The following ADAMTS19 variants were observed in gnomAD, a reference collection of about 807,000 sequenced individuals.
ADAMTS19 encodes A disintegrin and metalloproteinase with thrombospondin motifs 19.
In ADAMTS19, 93 loss-of-function variants were observed where a neutral mutation model predicts 153.3. That is an observed-to-expected ratio of 0.61 (90% CI 0.51 to 0.72). The LOEUF (loss-of-function observed/expected upper bound fraction) is 0.72. Ranked by LOEUF, ADAMTS19 falls within the 30% of genes least tolerant of loss-of-function variation. The pLI is 0.00. For missense variants in ADAMTS19, 1,482 were observed against 1,552.1 expected (o/e 0.95, Z 0.76); for synonymous variants, 600 against 556.6 (o/e 1.08, Z -1.10).
chr5:129,728,142 G>C (rs539652597), intron 21 of ADAMTS19, among the ~76,000 whole-genome samples: 1 of 152,248 alleles, frequency 6.6e-6, no homozygotes, highest in South Asian at 2.1e-4. Context: ...CCAGCACCAT[G>C]ACAGTTTACA....
intron 10 of ADAMTS19, among the ~76,000 whole-genome samples, chr5:129,632,957 A>C (rs1010176633): frequency 3.3e-5 from 5 of 152,134 alleles, no homozygotes; most frequent in African/African-American, 1.2e-4. Flanking sequence ...AAGAAGTTTT[A>C]GTGATCATTC....
In ADAMTS19 at chr5:129,702,941, A is replaced by AAAAAAATATATATATATATAT; in HGVS notation, c.3160-1297_3160-1296insAAAAATATATATATATATATA. ...TAGTTTGACTTGCCAAAAAAAAAAA[A>AAAAAAATATATATATATATAT]ATATATATATATATATATATATATA... On this transcript the variant is annotated intron_variant, in intron 20 of 22. Coordinates refer to ENST00000274487, the MANE Select transcript of ADAMTS19 (RefSeq NM_133638.6). 1.4e-3 allele frequency among the ~76,000 whole-genome samples: 41 copies of AAAAAAATATATATATATATAT among 29,202 alleles called. 1 individual carries two copies. The highest frequency in any genetic ancestry group is 7.6e-3 in the Admixed American group (16 of 2,094). 19.2% of individuals were successfully genotyped at this position (29,202 alleles called of 152,430 possible).
chr5:129,586,882 T>G (rs1286480796), intron 7 of ADAMTS19, among the ~76,000 whole-genome samples: 1 of 152,170 alleles, frequency 6.6e-6, no homozygotes. Context: ...TTACAATTTT[T>G]TTCGAAATAC....
intron 19 of ADAMTS19, among the ~76,000 whole-genome samples, chr5:129,700,815 A>C (rs145019080): frequency 6.6e-6 from 1 of 152,210 alleles, no homozygotes; most frequent in Non-Finnish European, 1.5e-5. Context: ...CTGAGAGTCT[A>C]ATAAGAACAA....
At chr5:129,460,791 A>G (rs916928641) in intron 1 of ADAMTS19, 6 of 519,592 alleles carry the variant, frequency 1.2e-5, no homozygotes, top group African/African-American at 9.7e-5. Context: ...CTGCTCTAGC[A>G]TACACTTCAG....
intron 7 of ADAMTS19, among the ~76,000 whole-genome samples, chr5:129,569,768 G>A (rs993939454): frequency 3.3e-5 from 5 of 151,940 alleles, no homozygotes; most frequent in African/African-American, 9.7e-5. Context: ...GTTTTGAACT[G>A]AACAAACATG....
intron 8 of ADAMTS19, among the ~76,000 whole-genome samples, chr5:129,608,865 A>G (rs994838488): frequency 1.3e-5 from 2 of 152,020 alleles, no homozygotes; most frequent in Admixed American, 1.3e-4. Flanking sequence ...AAGAAAAAAA[A>G]AAAGAGAAGA....
intron 7 of ADAMTS19, among the ~76,000 whole-genome samples, chr5:129,581,538 T>A (rs1281432733): frequency 1.3e-5 from 2 of 151,784 alleles, no homozygotes; most frequent in Non-Finnish European, 2.9e-5. Flanking sequence ...TTGATAATCT[T>A]TTAAAAAAAA....
chr5:129,592,322 T>C (rs1035655057), intron 7 of ADAMTS19, among the ~76,000 whole-genome samples: 2 of 137,408 alleles, frequency 1.5e-5, no homozygotes, highest in Non-Finnish European at 3.0e-5. Context: ...GAGGTTGCAG[T>C]GAGCCGAGAT....
At chr5:129,605,390 C>T (rs1750843883) in intron 8 of ADAMTS19, among the ~76,000 whole-genome samples, 1 of 152,168 alleles carries the variant, frequency 6.6e-6, no homozygotes, top group African/African-American at 2.4e-5. Flanking sequence ...ACATAAAAGA[C>T]TAACAGTCAC....
intron 21 of ADAMTS19, among the ~76,000 whole-genome samples, chr5:129,716,258 T>C (rs895477358): frequency 7.9e-5 from 12 of 152,032 alleles, no homozygotes; most frequent in African/African-American, 2.9e-4. Flanking sequence ...AGTGCAGTGG[T>C]GCAATCTCAG....
intron 3 of ADAMTS19, among the ~76,000 whole-genome samples, chr5:129,516,240 A>G (rs943943312): frequency 2.1e-5 from 3 of 142,520 alleles, no homozygotes; most frequent in African/African-American, 7.8e-5. Flanking sequence ...ATTAGCCTGT[A>G]GTTTTTTTTT....
chr5:129,555,902 A>G (rs1465355198), intron 7 of ADAMTS19, among the ~76,000 whole-genome samples: 1 of 152,180 alleles, frequency 6.6e-6, no homozygotes, highest in Non-Finnish European at 1.5e-5. Context: ...ACTTAGAAAT[A>G]ATTTTATTTA....
intron 17 of ADAMTS19, 27 bp downstream of exon 17, chr5:129,679,948 G>A: frequency 6.3e-7 from 1 of 1,592,246 alleles, no homozygotes; most frequent in Non-Finnish European, 8.5e-7. Flanking sequence ...TGATAACATG[G>A]CATAATCAAC....
chr5:129,658,309 AAAAGAAAGAAAGAAAG>A (rs150048700), intron 14 of ADAMTS19, among the ~76,000 whole-genome samples: 4,429 of 113,612 alleles, frequency 0.039, 144 homozygotes, highest in South Asian at 0.09. Flanking sequence ...GAAAGAAAGA[AAAAGAAAGAAAGAAAG>A]AAAGAAAGAA....
At position 129,737,950 on chromosome 5, in the gene ADAMTS19, G is replaced by T. The variant is rs1399084061; in HGVS notation, c.*732G>T. On this transcript the variant is annotated 3_prime_UTR_variant, in exon 23 of 23. Coordinates refer to ENST00000274487, the MANE Select transcript of ADAMTS19 (RefSeq NM_133638.6). ...GTGTAGAGAAATCGTTAGAAATGGT[G>T]ACATCTTACAAAAAATGTGTATTAT... 1 of 152,408 alleles carries T rather than the reference G, an allele frequency of 6.6e-6. No individual in the cohort carries two copies. Among genetic ancestry groups the T allele is most frequent in the African/African-American group, 2.4e-5 (1 of 41,406 alleles). The allele number at this position is 152,408 out of a possible 1,614,324, so 9.4% of individuals were successfully genotyped here.
intron 16 of ADAMTS19, among the ~76,000 whole-genome samples, chr5:129,671,731 C>T (rs1754308778): frequency 6.6e-6 from 1 of 151,968 alleles, no homozygotes. Flanking sequence ...GCATTATTGT[C>T]TTGTTCGTAA....
intron 2 of ADAMTS19, among the ~76,000 whole-genome samples, chr5:129,465,383 A>AT (rs61705720): frequency 0.2 from 27,315 of 135,668 alleles, 3,953 homozygotes; most frequent in African/African-American, 0.42. Flanking sequence ...TACCTGGCCT[A>AT]TTTTTTTTTT....
chr5:129,635,933 G>A (rs552213617), intron 10 of ADAMTS19, among the ~76,000 whole-genome samples: 3 of 152,186 alleles, frequency 2.0e-5, no homozygotes, highest in African/African-American at 7.2e-5. Flanking sequence ...GTCTTGCTCT[G>A]CTGCCCAGGT....
Sources: gnomAD v4.1 joint callset for allele counts (sites outside exome capture counted in the v4.1 genomes callset) on GRCh38, gnomAD v4.1.1 for gene constraint, MANE v1.5 for transcripts, NCBI Gene and HGNC (gene_info 2026-07-23, HGNC 2026-07-21) for gene names.